Variants in PELI2 observed in about 807,000 individuals in gnomAD.
PELI2 encodes E3 ubiquitin-protein ligase pellino homolog 2.
PELI2 carries 23 observed loss-of-function variants against 42.3 expected under a neutral mutation model. The ratio of observed to expected loss-of-function variants is 0.54; its 90% CI spans 0.39 to 0.77. PELI2 has a LOEUF of 0.77. PELI2 is among the 30% of genes least tolerant of loss of function. The pLI is 0.00. For missense variants in PELI2, 463 were observed against 553.2 expected, an observed-to-expected ratio of 0.84 and a Z score of 1.64; for synonymous variants, 245 against 212.2, an observed-to-expected ratio of 1.15 and a Z score of -1.34.
intron 2 of PELI2, among the ~76,000 whole-genome samples, chr14:56,260,374 A>C (rs1248771173): frequency 6.6e-6 from 1 of 152,208 alleles, no homozygotes; most frequent in Non-Finnish European, 1.5e-5. Context: ...AAAGACACTG[A>C]GTATGTAAGA....
chr14:56,237,367 C>T (rs1426630018), intron 2 of PELI2, among the ~76,000 whole-genome samples: 1 of 152,130 alleles, frequency 6.6e-6, no homozygotes, highest in Non-Finnish European at 1.5e-5. Flanking sequence ...GAAACGCATC[C>T]ACACCTTGCT....
At chr14:56,295,661 C>G (rs1290473242) in intron 5 of PELI2, among the ~76,000 whole-genome samples, 2 of 152,232 alleles carry the variant, frequency 1.3e-5, no homozygotes. Flanking sequence ...ACACAACCAC[C>G]TTTTCTAAAG....
intron 2 of PELI2, among the ~76,000 whole-genome samples, chr14:56,276,629 C>T (rs990524816): frequency 1.6e-4 from 25 of 152,276 alleles, no homozygotes; most frequent in Non-Finnish European, 4.4e-5. Context: ...CCTGCTGCCC[C>T]GGAGCCACTC....
At chr14:56,152,676 A>G (rs148916236) in intron 1 of PELI2, among the ~76,000 whole-genome samples, 1 of 152,188 alleles carries the variant, frequency 6.6e-6, no homozygotes, top group South Asian at 2.1e-4. Flanking sequence ...TTAATTTTTC[A>G]TATATATTCT....
At chr14:56,239,466 T>G (rs1038163180) in intron 2 of PELI2, among the ~76,000 whole-genome samples, 4 of 152,228 alleles carry the variant, frequency 2.6e-5, no homozygotes, top group Admixed American at 2.6e-4. Context: ...GTAGGTATGT[T>G]GTATAATGCA....
intron 2 of PELI2, among the ~76,000 whole-genome samples, chr14:56,278,388 A>G (rs1159557119): frequency 6.6e-6 from 1 of 152,222 alleles, no homozygotes; most frequent in South Asian, 2.1e-4. Context: ...ACTTAAATTG[A>G]AAATAGTTCT....
At chr14:56,195,843 A>G (rs1438467034) in intron 2 of PELI2, among the ~76,000 whole-genome samples, 1 of 152,176 alleles carries the variant, frequency 6.6e-6, no homozygotes, top group Admixed American at 6.5e-5. Context: ...CCAGTCTCAG[A>G]GGCTGCACAT....
Sources: allele counts gnomAD v4.1 joint callset (sites outside exome capture counted in the v4.1 genomes callset), GRCh38; gene constraint gnomAD v4.1.1; transcripts MANE v1.5; gene names NCBI Gene and HGNC (gene_info 2026-07-23, HGNC 2026-07-21).